FANCA: variants seen among roughly 807,000 people sequenced by gnomAD.
FANCA encodes the protein FA complementation group A.
A neutral mutation model predicts 194.3 loss-of-function variants in FANCA; 236 were observed. The ratio of observed to expected loss-of-function variants is 1.21; its 90% CI spans 1.09 to 1.35. FANCA has a LOEUF of 1.35. Among genes scored for constraint, FANCA ranks in the 40% most tolerant of loss-of-function variants. FANCA has a pLI of 0.00. For missense variants in FANCA, 2,628 were observed against 1,813.9 expected, an observed-to-expected ratio of 1.45 and a Z score of -8.15; for synonymous variants, 1,014 against 715.8, an observed-to-expected ratio of 1.42 and a Z score of -6.65.
chr16:89,759,772 C>G (rs1267051836), intron 29 of FANCA, among the ~76,000 whole-genome samples: 2 of 152,184 alleles, frequency 1.3e-5, no homozygotes, highest in Admixed American at 6.5e-5. Context: ...AACAAACAAA[C>G]AAATCCGCAG....
In FANCA at chr16:89,740,886, C is replaced by G; in HGVS notation, c.3766-20G>C. 1 of 1,595,566 alleles carries G rather than the reference C, an allele frequency of 6.3e-7. No homozygotes were observed. Among genetic ancestry groups the G allele is most frequent in the South Asian group, 1.1e-5 (1 of 89,476 alleles). ...CAATAGCTGTAAATAAAAACGTGCA[C>G]TTATTATTACATTAAAATTACCTGT... On this transcript the variant is annotated intron_variant, in intron 37 of 42. Transcript: ENST00000389301.
intron 27 of FANCA, among the ~76,000 whole-genome samples, chr16:89,765,457 G>C (rs561329790): frequency 1.2e-4 from 18 of 152,394 alleles, no homozygotes; most frequent in African/African-American, 3.8e-4. Flanking sequence ...CAGTGCTCCA[G>C]GGAAGAGCCT....
chr16:89,739,392 C>T, intron 40 of FANCA, 86 bp downstream of exon 40: 1 of 1,576,890 alleles, frequency 6.3e-7, no homozygotes, highest in East Asian at 2.3e-5. Context: ...ACAGACAACC[C>T]TTCCCATCTG....
chr16:89,741,244 G>C (rs1367596160), intron 37 of FANCA, among the ~76,000 whole-genome samples: 1 of 152,212 alleles, frequency 6.6e-6, no homozygotes, highest in Non-Finnish European at 1.5e-5. Context: ...CCAGCCTAAA[G>C]TAGGGCCTGA....
chr16:89,804,500 C>T (rs1037051650), intron 7 of FANCA, among the ~76,000 whole-genome samples: 2 of 152,142 alleles, frequency 1.3e-5, no homozygotes, highest in Non-Finnish European at 2.9e-5. Context: ...ACTCCTCAAG[C>T]TGGATTGGTC....
chr16:89,769,248 C>T (rs966992801), intron 26 of FANCA, among the ~76,000 whole-genome samples: 1 of 152,248 alleles, frequency 6.6e-6, no homozygotes, highest in African/African-American at 2.4e-5. Context: ...GCCAGCAACT[C>T]CCACCAGAGT....
At chr16:89,746,478 AGATGGTAACACCCGT>A in intron 35 of FANCA, 91 bp downstream of exon 35, 1 of 902,570 alleles carries the variant, frequency 1.1e-6, no homozygotes, top group East Asian at 2.5e-5. Flanking sequence ...ATTTTCCCTG[AGATGGTAACACCCGT>A]GATGGAGACG....
Position 89,782,733 on chromosome 16 carries a change from C to T in FANCA, c.1626+126G>A, listed in dbSNP as rs554184963. 609 of 810,392 alleles carry T rather than the reference C, an allele frequency of 7.5e-4. 3 individuals carry two copies. Among genetic ancestry groups the T allele is most frequent in the South Asian group, 5.1e-3 (358 of 69,816 alleles). The allele number at this position is 810,392 out of a possible 1,614,324, so 50.2% of individuals were successfully genotyped here. ...GCCCGCAGAGCCTCGCCCCCAGCTG[C>T]GCCCGAGGCAAGACCAGACATGAGA... On this transcript the variant is annotated intron_variant, in intron 17 of 42. Transcript: ENST00000389301.
At chr16:89,763,012 C>T (rs1226574032) in intron 28 of FANCA, among the ~76,000 whole-genome samples, 3 of 151,120 alleles carry the variant, frequency 2.0e-5, no homozygotes, top group Admixed American at 6.6e-5. Context: ...CTTTGGGAGG[C>T]CGAGGCGGGA....
intron 28 of FANCA, among the ~76,000 whole-genome samples, chr16:89,764,515 G>A (rs927435012): frequency 3.9e-5 from 6 of 152,082 alleles, no homozygotes; most frequent in African/African-American, 9.7e-5. Context: ...TATGTTGCCC[G>A]GGCTGGTCTT....
chr16:89,809,115 C>A (rs1211934743), intron 5 of FANCA, among the ~76,000 whole-genome samples: 1 of 151,966 alleles, frequency 6.6e-6, no homozygotes, highest in East Asian at 2.0e-4. Flanking sequence ...ACCGTGTTAG[C>A]CAGGATGGGC....
intron 9 of FANCA, 90 bp from the exon 10 acceptor site, chr16:89,799,322 C>G (rs1485064413): frequency 1.4e-6 from 2 of 1,438,302 alleles, no homozygotes; most frequent in Non-Finnish European, 9.7e-7. Context: ...GACAACAGAT[C>G]CACTTCAACC....
chr16:89,774,814 C>G (rs564476614), intron 21 of FANCA, among the ~76,000 whole-genome samples: 2 of 148,068 alleles, frequency 1.4e-5, no homozygotes, highest in East Asian at 2.1e-4. Flanking sequence ...ACACAAGGGG[C>G]TGGGTACGGT....
intron 37 of FANCA, among the ~76,000 whole-genome samples, chr16:89,741,088 G>T (rs547194955): frequency 6.6e-6 from 1 of 152,194 alleles, no homozygotes; most frequent in Non-Finnish European, 1.5e-5. Context: ...AACAAAGCTA[G>T]AAACAGTTTG....
chr16:89,807,409 T>A (rs17232281), intron 6 of FANCA, among the ~76,000 whole-genome samples: 7,518 of 151,338 alleles, frequency 0.05, 662 homozygotes, highest in African/African-American at 0.17. Flanking sequence ...AGCCCAGATC[T>A]CACCACTGCA....
Position 89,739,916 on chromosome 16 carries a change from G to A in FANCA, c.3934+78C>T, listed in dbSNP as rs961309933. On this transcript the variant is annotated intron_variant, in intron 39 of 42. Transcript: ENST00000389301. ...TACTTAGCAAGGAACCTCAAGGAGG[G>A]CTCGTTCTTAACCATTTGCAAGATG... 13 of 1,595,310 alleles carry A rather than the reference G, an allele frequency of 8.1e-6. 1 individual carries two copies. The Admixed American group carries it at 1.7e-4, about 21-fold the overall frequency.
intron 30 of FANCA, among the ~76,000 whole-genome samples, chr16:89,752,809 C>T (rs2038641961): frequency 6.6e-6 from 1 of 152,178 alleles, no homozygotes; most frequent in African/African-American, 2.4e-5. Flanking sequence ...CGCCCGTCAC[C>T]AAGCGGATCG....
intron 6 of FANCA, among the ~76,000 whole-genome samples, chr16:89,807,399 A>G (rs986304965): frequency 2.0e-5 from 3 of 151,724 alleles, no homozygotes; most frequent in African/African-American, 7.3e-5. Flanking sequence ...GGTTGCAGCG[A>G]GCCCAGATCT....
At chr16:89,749,274 G>A (rs1250080267) in intron 32 of FANCA, among the ~76,000 whole-genome samples, 2 of 152,272 alleles carry the variant, frequency 1.3e-5, no homozygotes, top group East Asian at 1.9e-4. Context: ...GTGCAATGGC[G>A]TGATCTCGGC....
Sources: allele counts gnomAD v4.1 joint callset (sites outside exome capture counted in the v4.1 genomes callset), GRCh38; gene constraint gnomAD v4.1.1; transcripts MANE v1.5; gene names NCBI Gene and HGNC (gene_info 2026-07-23, HGNC 2026-07-21).